The following WWC1 variants were observed in gnomAD, a reference collection of about 807,000 sequenced individuals.
WWC1 encodes the protein WW and C2 domain containing 1, also known as protein KIBRA.
WWC1 carries 55 observed loss-of-function variants against 138.4 expected under a neutral mutation model. The ratio of observed to expected loss-of-function variants is 0.40; its 90% CI spans 0.32 to 0.50. The LOEUF is 0.50. Among genes scored for constraint, WWC1 ranks in the 20% least tolerant of loss-of-function variants. The probability of loss-of-function intolerance (pLI) is 0.72; values close to 1 mark genes in which losing one functional copy is unlikely to be tolerated. For missense variants in WWC1, 1,226 were observed against 1,420.4 expected (o/e 0.86, Z 2.20); for synonymous variants, 524 against 564.9 (o/e 0.93, Z 1.03).
chr5:168,417,256 T>C (rs1470382829), intron 9 of WWC1, among the ~76,000 whole-genome samples: 1 of 152,220 alleles, frequency 6.6e-6, no homozygotes, highest in Non-Finnish European at 1.5e-5. Context: ...TCTACAATGT[T>C]GAGGATTTAC....
Position 168,299,791 on chromosome 5 carries a change from C to A in WWC1, c.119+7520C>A, listed in dbSNP as rs112018793. On this transcript the variant is annotated intron_variant, in intron 1 of 22. Transcript: ENST00000265293. The stretch of plus-strand genomic sequence containing the variant: ...GTCGAAGGTGGCCACCGTCTTGCTG[C>A]ACGGTTCCCTCAGTGGCAGAAGCCT... Among the ~76,000 whole-genome samples the A allele has an allele frequency of 1.1e-4, 17 of 152,314 alleles. 3 individuals are homozygous for A. Among genetic ancestry groups the A allele is most frequent in the African/African-American group, 4.1e-4 (17 of 41,564 alleles).
chr5:168,315,796 C>T (rs1256170855), intron 1 of WWC1, among the ~76,000 whole-genome samples: 1 of 152,154 alleles, frequency 6.6e-6, no homozygotes, highest in Non-Finnish European at 1.5e-5. Context: ...TCTGACTCCT[C>T]TCCTGGTGAG....
chr5:168,383,043 G>A (rs1393377901), intron 2 of WWC1, among the ~76,000 whole-genome samples: 1 of 151,990 alleles, frequency 6.6e-6, no homozygotes, highest in Non-Finnish European at 1.5e-5. Flanking sequence ...GGGCGTAGTG[G>A]CAGGCGCCTG....
intron 5 of WWC1, among the ~76,000 whole-genome samples, chr5:168,404,379 T>C (rs889550604): frequency 3.1e-4 from 47 of 152,334 alleles, no homozygotes; most frequent in Admixed American, 1.4e-3. Context: ...CTTGCCGACC[T>C]GATAGGCCTG....
intron 1 of WWC1, among the ~76,000 whole-genome samples, chr5:168,352,201 C>A (rs1322500455): frequency 1.3e-5 from 2 of 152,192 alleles, no homozygotes; most frequent in Non-Finnish European, 2.9e-5. Context: ...CTCAAGCTTT[C>A]TGAGCCTTAG....
intron 1 of WWC1, among the ~76,000 whole-genome samples, chr5:168,359,565 T>G (rs1775727734): frequency 6.6e-6 from 1 of 152,228 alleles, no homozygotes; most frequent in Non-Finnish European, 1.5e-5. Context: ...AGAAGCACCA[T>G]TATTGTATGT....
At chr5:168,401,207 C>T (rs1160542515) in intron 5 of WWC1, among the ~76,000 whole-genome samples, 1 of 152,194 alleles carries the variant, frequency 6.6e-6, no homozygotes, top group African/African-American at 2.4e-5. Flanking sequence ...ATGTAACAGA[C>T]TCATTCATTG....
At chr5:168,365,816 T>C (rs1183637337) in intron 1 of WWC1, among the ~76,000 whole-genome samples, 1 of 152,224 alleles carries the variant, frequency 6.6e-6, no homozygotes, top group African/African-American at 2.4e-5. Context: ...AGATTTGTAA[T>C]TAAGAAGAGG....
chr5:168,389,930 G>A (rs1246619914), intron 3 of WWC1, among the ~76,000 whole-genome samples: 2 of 152,164 alleles, frequency 1.3e-5, no homozygotes, highest in Non-Finnish European at 2.9e-5. Context: ...TGTCATAGGG[G>A]ATAAAACTGC....
At chr5:168,378,474 G>A (rs1777390736) in intron 2 of WWC1, among the ~76,000 whole-genome samples, 1 of 152,100 alleles carries the variant, frequency 6.6e-6, no homozygotes, top group African/African-American at 2.4e-5. Context: ...GTACCATAAT[G>A]CTTCCTATTG....
intron 9 of WWC1, chr5:168,416,351 C>T (rs551051068): frequency 2.0e-5 from 3 of 152,348 alleles, no homozygotes; most frequent in African/African-American, 7.2e-5. Flanking sequence ...AATTGGTGTT[C>T]TGCAGCCCTT....
At chr5:168,361,913 C>A (rs1001153821) in intron 1 of WWC1, among the ~76,000 whole-genome samples, 8 of 152,094 alleles carry the variant, frequency 5.3e-5, no homozygotes, top group Admixed American at 4.6e-4. Context: ...GAAACCCCAT[C>A]TCTACTAAAA....
chr5:168,336,631 G>A (rs1195151107), intron 1 of WWC1, among the ~76,000 whole-genome samples: 3 of 149,670 alleles, frequency 2.0e-5, no homozygotes, highest in Non-Finnish European at 4.4e-5. Flanking sequence ...TCAGGACCCC[G>A]GCCAGGAGGA....
intron 13 of WWC1, among the ~76,000 whole-genome samples, chr5:168,429,082 C>T (rs138798976): frequency 4.6e-4 from 70 of 152,192 alleles, no homozygotes; most frequent in African/African-American, 1.7e-3. Context: ...GGGACTGAGA[C>T]CTCCTGCCTC....
intron 19 of WWC1, among the ~76,000 whole-genome samples, chr5:168,458,056 C>T (rs1289948208): frequency 6.6e-6 from 1 of 152,234 alleles, no homozygotes; most frequent in Non-Finnish European, 1.5e-5. Context: ...CTGCTACTTT[C>T]AGCTTCATCA....
Position 168,430,104 on chromosome 5 carries a change from A to G in WWC1, c.2001-33A>G, listed in dbSNP as rs1198947906. 4.6e-6 allele frequency: 7 copies of G among 1,515,574 alleles called. No individual in the cohort carries two copies. The South Asian group carries it at 5.7e-5, about 12-fold the overall frequency. The allele number at this position is 1,515,574 out of a possible 1,614,324, so 93.9% of individuals were successfully genotyped here. ...GAATGAGAGAGATGAGTGTGTTACT[A>G]ATAGGTACTTCATATGCCCCTTTTC... On this transcript the variant is annotated intron_variant, in intron 13 of 22. Coordinates refer to ENST00000265293, the MANE Select transcript of WWC1 (RefSeq NM_015238.3).
At chr5:168,403,008 T>TTCTTTCTTTC (rs1779435948) in intron 5 of WWC1, among the ~76,000 whole-genome samples, 1 of 38,128 alleles carries the variant, frequency 2.6e-5, no homozygotes, top group Non-Finnish European at 5.9e-5. Context: ...TTGTTTCTTT[T>TTCTTTCTTTC]TCTTTCTTTC....
intron 1 of WWC1, among the ~76,000 whole-genome samples, chr5:168,355,736 T>G (rs1187572735): frequency 6.6e-6 from 1 of 151,982 alleles, no homozygotes; most frequent in Non-Finnish European, 1.5e-5. Context: ...TTTGAAGGGG[T>G]TGGAGCAACC....
intron 1 of WWC1, among the ~76,000 whole-genome samples, chr5:168,360,304 A>T (rs1478041690): frequency 6.6e-6 from 1 of 152,204 alleles, no homozygotes; most frequent in South Asian, 2.1e-4. Flanking sequence ...GGGTCTATGT[A>T]AGGGACATTG....
Sources: allele counts gnomAD v4.1 joint callset (sites outside exome capture counted in the v4.1 genomes callset), GRCh38; gene constraint gnomAD v4.1.1; transcripts MANE v1.5; gene names NCBI Gene and HGNC (gene_info 2026-07-23, HGNC 2026-07-21).